The following GNA14 variants were observed in gnomAD, a reference collection of about 807,000 sequenced individuals.
GNA14 encodes G protein subunit alpha 14.
A neutral mutation model predicts 42.0 loss-of-function variants in GNA14; 50 were observed. The ratio of observed to expected loss-of-function variants is 1.19; its 90% CI spans 0.95 to 1.51. The LOEUF (loss-of-function observed/expected upper bound fraction) is 1.51, where lower values mean the gene tolerates loss of function less well. Among genes scored for constraint, GNA14 ranks in the 40% most tolerant of loss-of-function variants. GNA14 has a pLI of 0.00. For synonymous variants in GNA14, 173 were observed against 163.1 expected, an observed-to-expected ratio of 1.06 and a Z score of -0.46; for missense variants, 473 against 446.2, an observed-to-expected ratio of 1.06 and a Z score of -0.54.
intron 2 of GNA14, among the ~76,000 whole-genome samples, chr9:77,455,376 A>G (rs971308390): frequency 1.3e-5 from 2 of 152,200 alleles, no homozygotes; most frequent in Non-Finnish European, 2.9e-5. Context: ...TGATTACTTA[A>G]AGCCACTGAT....
At chr9:77,483,706 G>T (rs932000840) in intron 2 of GNA14, among the ~76,000 whole-genome samples, 1 of 152,164 alleles carries the variant, frequency 6.6e-6, no homozygotes, top group African/African-American at 2.4e-5. Context: ...TCCTTTAAAG[G>T]AGTCTTATAT....
In GNA14 at chr9:77,425,754, G is replaced by A. The variant is rs1835444869; in HGVS notation, c.724-39C>T. On this transcript the variant is annotated intron_variant, in intron 5 of 6. Coordinates refer to ENST00000341700, the MANE Select transcript of GNA14 (RefSeq NM_004297.4). ...AAGGGACTTGGGATGAAGTAGAAAG[G>A]AAATATTTTGGAAACAACATGGCGC... 2.7e-6 allele frequency: 4 copies of A among 1,495,868 alleles called. No individual in the cohort carries two copies. In the African/African-American group the frequency reaches 4.2e-5, roughly 16 times the overall value. The allele number at this position is 1,495,868 out of a possible 1,614,324, so 92.7% of individuals were successfully genotyped here.
intron 2 of GNA14, among the ~76,000 whole-genome samples, chr9:77,505,637 T>C (rs1837056911): frequency 6.6e-6 from 1 of 152,342 alleles, no homozygotes; most frequent in South Asian, 2.1e-4. Context: ...AGTCGCATGC[T>C]GTTTGCTAGT....
intron 2 of GNA14, among the ~76,000 whole-genome samples, chr9:77,461,290 C>T (rs150317069): frequency 3.9e-5 from 6 of 152,120 alleles, no homozygotes; most frequent in Non-Finnish European, 7.4e-5. Context: ...TCGGCTCCCA[C>T]CCCAGATAAT....
chr9:77,612,009 G>A (rs1000481133), intron 1 of GNA14, among the ~76,000 whole-genome samples: 10 of 151,280 alleles, frequency 6.6e-5, no homozygotes, highest in Admixed American at 2.0e-4. Flanking sequence ...AACTAGACAG[G>A]AAATAATAAT....
At chr9:77,428,636 C>G (rs1021210931) in intron 5 of GNA14, among the ~76,000 whole-genome samples, 1 of 152,288 alleles carries the variant, frequency 6.6e-6, no homozygotes, top group Admixed American at 6.5e-5. Context: ...GTTCCAGGCC[C>G]GTGATTCTCA....
intron 1 of GNA14, among the ~76,000 whole-genome samples, chr9:77,602,763 T>G (rs765391788): frequency 6.6e-6 from 1 of 152,184 alleles, no homozygotes; most frequent in African/African-American, 2.4e-5. Flanking sequence ...TTTAAGAAAC[T>G]TTATCAGGGC....
At chr9:77,603,762 G>A (rs1306795064) in intron 1 of GNA14, among the ~76,000 whole-genome samples, 1 of 151,876 alleles carries the variant, frequency 6.6e-6, no homozygotes, top group Non-Finnish European at 1.5e-5. Context: ...TCAGGAGATT[G>A]AGACTATCCT....
intron 1 of GNA14, among the ~76,000 whole-genome samples, chr9:77,600,875 C>T (rs981902444): frequency 1.3e-5 from 2 of 152,194 alleles, no homozygotes. Flanking sequence ...GCCAAGATCG[C>T]GCCATTGCAC....
At chr9:77,608,033 C>G (rs1219548813) in intron 1 of GNA14, among the ~76,000 whole-genome samples, 1 of 152,152 alleles carries the variant, frequency 6.6e-6, no homozygotes, top group Non-Finnish European at 1.5e-5. Context: ...TCATGTCCAT[C>G]TTGAATGCAA....
chr9:77,451,295 C>A (rs902324169), intron 2 of GNA14, among the ~76,000 whole-genome samples: 4 of 152,136 alleles, frequency 2.6e-5, no homozygotes, highest in South Asian at 2.1e-4. Flanking sequence ...CAGTCTCTAG[C>A]TAAAGAACGT....
chr9:77,581,347 T>C (rs1823221297), intron 1 of GNA14, among the ~76,000 whole-genome samples: 1 of 152,250 alleles, frequency 6.6e-6, no homozygotes, highest in Admixed American at 6.5e-5. Context: ...CCAGACCTCC[T>C]GGCACCACCA....
chr9:77,501,757 T>G (rs908051476), intron 2 of GNA14, among the ~76,000 whole-genome samples: 1 of 143,942 alleles, frequency 6.9e-6, no homozygotes, highest in African/African-American at 2.7e-5. Context: ...GTCACCCGGG[T>G]TGGAGTGCAG....
chr9:77,541,162 G>A (rs1837656418), intron 1 of GNA14, among the ~76,000 whole-genome samples: 1 of 152,002 alleles, frequency 6.6e-6, no homozygotes, highest in Admixed American at 6.5e-5. Flanking sequence ...GGTAAATGTT[G>A]TCCTTTCACT....
At chr9:77,504,702 C>G (rs1174443109) in intron 2 of GNA14, among the ~76,000 whole-genome samples, 1 of 122,058 alleles carries the variant, frequency 8.2e-6, no homozygotes, top group South Asian at 2.8e-4. Context: ...GAGTCTTGCT[C>G]TGTTGCCCAG....
chr9:77,611,913 A>G (rs1253260264), intron 1 of GNA14, among the ~76,000 whole-genome samples: 3 of 152,138 alleles, frequency 2.0e-5, no homozygotes. Flanking sequence ...CATGATCTAG[A>G]AGTTCCTAAA....
chr9:77,458,450 A>G (rs1326275435), intron 2 of GNA14, among the ~76,000 whole-genome samples: 3 of 152,182 alleles, frequency 2.0e-5, no homozygotes, highest in African/African-American at 7.2e-5. Flanking sequence ...GTGACTGGTG[A>G]GAAGACCCCA....
intron 1 of GNA14, among the ~76,000 whole-genome samples, chr9:77,592,229 G>A (rs919010300): frequency 6.6e-6 from 1 of 152,146 alleles, no homozygotes; most frequent in African/African-American, 2.4e-5. Context: ...CTGTCAGCCT[G>A]GGGTGCTTGA....
intron 2 of GNA14, among the ~76,000 whole-genome samples, chr9:77,487,963 A>C (rs1391853321): frequency 6.6e-6 from 1 of 151,954 alleles, no homozygotes; most frequent in Non-Finnish European, 1.5e-5. Flanking sequence ...CAGCTGAAAA[A>C]CCCAGTTGAC....
Sources: gnomAD v4.1 joint callset for allele counts (sites outside exome capture counted in the v4.1 genomes callset) on GRCh38, gnomAD v4.1.1 for gene constraint, MANE v1.5 for transcripts, NCBI Gene and HGNC (gene_info 2026-07-23, HGNC 2026-07-21) for gene names.